Variants in RSF1 observed in about 807,000 individuals in gnomAD.
The protein encoded by RSF1 is remodeling and spacing factor 1.
A neutral mutation model predicts 145.2 loss-of-function variants in RSF1; 13 were observed. That is an observed-to-expected ratio of 0.09 (90% CI 0.06 to 0.14). RSF1 has a LOEUF of 0.14. Among genes scored for constraint, RSF1 ranks in the 10% least tolerant of loss-of-function variants. The pLI is 1.00. For missense variants in RSF1, 1,517 were observed against 1,718.2 expected (o/e 0.88, Z 2.07); for synonymous variants, 577 against 592.6 (o/e 0.97, Z 0.38).
At position 77,820,672 on chromosome 11, in the gene RSF1, C is replaced by T; in HGVS notation, c.43G>A (p.Gly15Ser). The T allele has an allele frequency of 6.4e-7, 1 of 1,555,718 alleles. No individual in the cohort carries two copies. The highest frequency in any genetic ancestry group is 8.7e-7 in the Non-Finnish European group (1 of 1,151,020). ...AAGTTGGGGCACGAACCCGGGCAGC[C>T]CGGAGGAGCCATCACCGCCGCCGCT... ...AAAAAVMAPPGCPGSCPNFAV... is the reference protein window; with the variant it reads ...AAAAAVMAPPSCPGSCPNFAV... The change falls in exon 1 of 16, where the codon GGC becomes AGC. Residue 15 changes from glycine to serine, a missense_variant. By Grantham distance (56) the Gly-to-Ser change is moderately conservative. This residue lies in a region of RSF1 where 85 missense variants were observed against 91.8 expected (regional missense o/e 0.93). Coordinates refer to ENST00000308488, the MANE Select transcript of RSF1 (RefSeq NM_016578.4).
intron 1 of RSF1, among the ~76,000 whole-genome samples, chr11:77,785,630 G>A (rs988195622): frequency 2.0e-5 from 3 of 151,334 alleles, no homozygotes; most frequent in Non-Finnish European, 4.4e-5. Flanking sequence ...TTAAAGATGT[G>A]TACTTGAGCA....
At chr11:77,722,656 A>G (rs1480487582) in intron 5 of RSF1, among the ~76,000 whole-genome samples, 2 of 152,206 alleles carry the variant, frequency 1.3e-5, no homozygotes, top group Non-Finnish European at 2.9e-5. Flanking sequence ...CAATTTCCTC[A>G]TCTGTAAAAT....
At chr11:77,769,722 G>A (rs1298910327) in intron 1 of RSF1, among the ~76,000 whole-genome samples, 1 of 152,216 alleles carries the variant, frequency 6.6e-6, no homozygotes, top group Non-Finnish European at 1.5e-5. Context: ...CACTGCTCCT[G>A]CAATTCTATT....
chr11:77,676,682 T>C lies in RSF1; in HGVS notation c.3341+110A>G, dbSNP rs146559426. ...ATCCTGAAAATAAACAGAGGTTGTC[T>C]ATGTACATGAAGAAGAAAACCCTCA... is the stretch of plus-strand genomic sequence containing the variant. On this transcript the variant is annotated intron_variant, in intron 13 of 15. Coordinates refer to ENST00000308488, the MANE Select transcript of RSF1 (RefSeq NM_016578.4). The C allele has an allele frequency of 3.8e-6, 3 of 792,640 alleles. No homozygotes were observed. The East Asian group carries it at 7.6e-5, about 20-fold the overall frequency. The allele number at this position is 792,640 out of a possible 1,614,324, so 49.1% of individuals were successfully genotyped here.
chr11:77,860,942 T>C, the RSF1 span, among the ~76,000 whole-genome samples: 1 of 152,100 alleles, frequency 6.6e-6, no homozygotes, highest in African/African-American at 2.4e-5. Flanking sequence ...ACCCCTAAAA[T>C]TGGAGTATTG....
chr11:77,731,474 G>T (rs1298460841), intron 4 of RSF1, among the ~76,000 whole-genome samples: 2 of 152,232 alleles, frequency 1.3e-5, no homozygotes, highest in African/African-American at 4.8e-5. Flanking sequence ...GCTGGCTTCA[G>T]AAATTTGCAT....
intron 1 of RSF1, among the ~76,000 whole-genome samples, chr11:77,780,882 T>C (rs956936830): frequency 1.3e-5 from 2 of 152,072 alleles, no homozygotes; most frequent in Non-Finnish European, 2.9e-5. Context: ...TGCTCCACTT[T>C]GCAGTCAGTC....
intron 1 of RSF1, among the ~76,000 whole-genome samples, chr11:77,795,163 A>G (rs1420455370): frequency 6.6e-6 from 1 of 152,246 alleles, no homozygotes. Flanking sequence ...CTCTACAAGC[A>G]AAACTATAAA....
Position 77,660,723 on chromosome 11 carries a change from TA to T in RSF1, c.*6193del, listed in dbSNP as rs1388947430. On this transcript the variant is annotated 3_prime_UTR_variant, in exon 16 of 16. Transcript: ENST00000308488. The stretch of plus-strand genomic sequence containing the variant: ...TCTAAAGATACCATTTATAAATTTT[TA>T]TGTGGAATTTGTATTCTTCATATGG... 4 of 152,198 alleles carry T rather than the reference TA, an allele frequency of 2.6e-5. No homozygotes were observed. The highest frequency in any genetic ancestry group is 5.9e-5 in the Non-Finnish European group (4 of 68,012). 9.4% of individuals were successfully genotyped at this position (152,198 alleles called of 1,614,324 possible).
intron 8 of RSF1, among the ~76,000 whole-genome samples, chr11:77,693,193 A>C (rs933400590): frequency 2.0e-5 from 3 of 152,250 alleles, no homozygotes; most frequent in Non-Finnish European, 4.4e-5. Flanking sequence ...AGGATGAAAC[A>C]AAGTGATACA....
chr11:77,678,123 T>C lies in RSF1; in HGVS notation c.3096A>G (p.Glu1032=), dbSNP rs1481905852. 2 of 1,610,990 alleles carry C rather than the reference T, an allele frequency of 1.2e-6. No homozygotes were observed. Among genetic ancestry groups the C allele is most frequent in the South Asian group, 2.2e-5 (2 of 90,848 alleles). The change falls in exon 12 of 16, where the codon GAA becomes GAG. Residue 1032 remains glutamate, a synonymous_variant. Transcript: ENST00000308488. ...RFDEFDEAID[E]AIEDDIKEAD... is the part of the protein sequence containing the mutation. ...CTTCTTTGATGTCATCTTCAATAGC[T>C]TCATCAATTGCTTCATCAAACTCAT...
At chr11:77,817,159 C>G (rs11821707) in intron 1 of RSF1, among the ~76,000 whole-genome samples, 18 of 152,172 alleles carry the variant, frequency 1.2e-4, no homozygotes, top group Non-Finnish European at 1.5e-5. Context: ...CACAGCAGCC[C>G]TAGGCCAGAA....
At chr11:77,859,197 A>G in the RSF1 span, among the ~76,000 whole-genome samples, 3 of 152,332 alleles carry the variant, frequency 2.0e-5, no homozygotes, top group South Asian at 6.2e-4. Flanking sequence ...TTTTGAGTAC[A>G]GGGGCTTGGT....
intron 6 of RSF1, among the ~76,000 whole-genome samples, chr11:77,700,349 C>CA (rs71046906): frequency 0.017 from 809 of 47,196 alleles, 169 homozygotes; most frequent in Middle Eastern, 0.056. Context: ...GACTGTCTCA[C>CA]AAAAAAAAAA....
intron 2 of RSF1, among the ~76,000 whole-genome samples, chr11:77,752,358 A>C (rs1262512134): frequency 6.6e-6 from 1 of 152,178 alleles, no homozygotes; most frequent in Non-Finnish European, 1.5e-5. Context: ...GGAACATGGC[A>C]CAGCTCAGGC....
At position 77,701,951 on chromosome 11, in the gene RSF1, T is replaced by C. The variant is rs765572174; in HGVS notation, c.1278A>G (p.Lys426=). The C allele has an allele frequency of 5.6e-6, 9 of 1,613,714 alleles. No homozygotes were observed. In the South Asian group the frequency reaches 9.9e-5, roughly 18 times the overall value. The change falls in exon 6 of 16, where the codon AAA becomes AAG. Residue 426 remains lysine (K), a synonymous_variant. Coordinates refer to ENST00000308488, the MANE Select transcript of RSF1 (RefSeq NM_016578.4). The stretch of plus-strand genomic sequence containing the variant: ...CCAAAGCAGTGATTGTAGAGATCCT[T>C]TTACAAGTCTCTTCCTCTTGTTTTA... The part of the protein sequence containing the change: ...DEIKQEEETC[K]RISTITALGH...
intron 7 of RSF1, among the ~76,000 whole-genome samples, chr11:77,695,986 G>T (rs1400797429): frequency 6.6e-6 from 1 of 151,976 alleles, no homozygotes; most frequent in Non-Finnish European, 1.5e-5. Flanking sequence ...CTGTACCATG[G>T]GGGTGGGAGG....
In RSF1 at chr11:77,701,221, T is replaced by C. The variant is rs777478187; in HGVS notation, c.2008A>G (p.Lys670Glu). ...SVKKVDLETL[K>E]EDSEFTKVEM... ...ACCTTTGTGAACTCAGAATCCTCTT[T>C]TAGGGTTTCTAGGTCTACTTTTTTC... Residue 670 changes from lysine to glutamate, a missense_variant, in exon 6 of 16, where the codon AAA becomes GAA. Coordinates refer to ENST00000308488, the MANE Select transcript of RSF1 (RefSeq NM_016578.4). 5 of 1,614,146 alleles carry C rather than the reference T, an allele frequency of 3.1e-6. No homozygotes were observed. The highest frequency in any genetic ancestry group is 2.2e-5 in the South Asian group (2 of 91,080).
chr11:77,731,504 G>A (rs1387123582), intron 4 of RSF1, among the ~76,000 whole-genome samples: 22 of 152,252 alleles, frequency 1.4e-4, no homozygotes, highest in Admixed American at 1.4e-3. Context: ...GAAGCCAAAT[G>A]TTATCCCTGA....
Sources: allele counts gnomAD v4.1 joint callset (sites outside exome capture counted in the v4.1 genomes callset), GRCh38; gene constraint gnomAD v4.1.1; regional missense constraint gnomAD v4.1.1; transcripts MANE v1.5; gene names NCBI Gene and HGNC (gene_info 2026-07-23, HGNC 2026-07-21).